The following ERAP1 variants were observed in gnomAD, a reference collection of about 807,000 sequenced individuals.
ERAP1 encodes the protein endoplasmic reticulum aminopeptidase 1.
In ERAP1, 86 loss-of-function variants were observed where a neutral mutation model predicts 103.7. The observed-to-expected ratio is 0.83, with a 90% CI of 0.70 to 0.99. The LOEUF (loss-of-function observed/expected upper bound fraction) is 0.99, where lower values mean the gene tolerates loss of function less well. Among genes scored for constraint, ERAP1 ranks in the 50% least tolerant of loss-of-function variants. The probability of loss-of-function intolerance (pLI) is 0.00; values close to 1 mark genes in which losing one functional copy is unlikely to be tolerated. For synonymous variants in ERAP1, 398 were observed against 402.4 expected (o/e 0.99, Z 0.13); for missense variants, 1,009 against 1,128.4 (o/e 0.89, Z 1.52).
chr5:96,786,296 C>G (rs1189114610), intron 12 of ERAP1, among the ~76,000 whole-genome samples, 174 bp downstream of exon 12: 2 of 152,164 alleles, frequency 1.3e-5, no homozygotes, highest in Admixed American at 1.3e-4. Flanking sequence ...TTATATAATT[C>G]AGCTATAATC....
chr5:96,877,379 TATCA>T, the ERAP1 span, among the ~76,000 whole-genome samples: 1 of 152,210 alleles, frequency 6.6e-6, no homozygotes, highest in Non-Finnish European at 1.5e-5. Context: ...TCTCTACTCT[TATCA>T]ATCAAGTACA....
chr5:96,815,327 T>C, the ERAP1 span, among the ~76,000 whole-genome samples: 3 of 152,108 alleles, frequency 2.0e-5, no homozygotes, highest in African/African-American at 7.2e-5. Flanking sequence ...TTTATGTCAC[T>C]AATTTGATCT....
intron 11 of ERAP1, among the ~76,000 whole-genome samples, 163 bp downstream of exon 11, chr5:96,788,368 G>A (rs1359181097): frequency 6.6e-6 from 1 of 152,134 alleles, no homozygotes; most frequent in Non-Finnish European, 1.5e-5. Context: ...TAATCCTACT[G>A]GGAAGATGGG....
chr5:96,864,844 A>G, the ERAP1 span, among the ~76,000 whole-genome samples: 1 of 152,258 alleles, frequency 6.6e-6, no homozygotes, highest in Non-Finnish European at 1.5e-5. Context: ...ATATATGTGT[A>G]AGTTAAAACT....
At chr5:96,897,336 T>G in the ERAP1 span, among the ~76,000 whole-genome samples, 2 of 152,210 alleles carry the variant, frequency 1.3e-5, no homozygotes, top group Non-Finnish European at 2.9e-5. Flanking sequence ...CCCTTTCTTC[T>G]TTCCAACAAT....
the ERAP1 span, chr5:96,903,434 G>T: frequency 4.3e-6 from 7 of 1,613,920 alleles, no homozygotes; most frequent in South Asian, 7.7e-5. Flanking sequence ...GACTCAAATG[G>T]TTACTACATC....
the ERAP1 span, among the ~76,000 whole-genome samples, chr5:96,898,533 G>T: frequency 1.4e-5 from 2 of 144,124 alleles, no homozygotes; most frequent in Non-Finnish European, 3.0e-5. Flanking sequence ...CCTGAGGTCA[G>T]TCTGGCCAAC....
the ERAP1 span, among the ~76,000 whole-genome samples, chr5:96,854,966 T>C: frequency 6.6e-6 from 1 of 151,920 alleles, no homozygotes; most frequent in Non-Finnish European, 1.5e-5. Flanking sequence ...ATAGAAAATC[T>C]AGCAGTTTTT....
intron 10 of ERAP1, among the ~76,000 whole-genome samples, chr5:96,789,449 T>C (rs1413272942): frequency 1.3e-5 from 2 of 151,584 alleles, no homozygotes; most frequent in Non-Finnish European, 2.9e-5. Context: ...ATCACGCCAC[T>C]GCACTCCAGC....
At chr5:96,767,720 G>GAA (rs1770509334) in intron 19 of ERAP1, among the ~76,000 whole-genome samples, 1 of 151,796 alleles carries the variant, frequency 6.6e-6, no homozygotes, top group South Asian at 2.1e-4. Flanking sequence ...AAGAGTAGAT[G>GAA]GAAAAAAAGC....
At chr5:96,824,250 G>A in the ERAP1 span, among the ~76,000 whole-genome samples, 1 of 152,154 alleles carries the variant, frequency 6.6e-6, no homozygotes, top group Non-Finnish European at 1.5e-5. Flanking sequence ...TCATCCCCTT[G>A]AGAAAACAAA....
chr5:96,763,024 A>C (rs1490358386), exon 20 of ERAP1: 1 of 702,684 alleles, frequency 1.4e-6, no homozygotes, highest in Non-Finnish European at 2.6e-6. Flanking sequence ...AGACCACAGC[A>C]CATCAAATTA....
the ERAP1 span, among the ~76,000 whole-genome samples, chr5:96,875,234 A>G: frequency 6.6e-6 from 1 of 152,092 alleles, no homozygotes; most frequent in Non-Finnish European, 1.5e-5. Context: ...ATAGAAAGAG[A>G]TTGAAAATGA....
the ERAP1 span, among the ~76,000 whole-genome samples, chr5:96,894,293 C>T: frequency 2.0e-4 from 30 of 152,174 alleles, no homozygotes; most frequent in African/African-American, 5.8e-4. Flanking sequence ...GAGGAAACAC[C>T]TCTCCCTTTC....
the ERAP1 span, among the ~76,000 whole-genome samples, chr5:96,926,513 T>C: frequency 6.6e-6 from 1 of 152,228 alleles, no homozygotes; most frequent in Non-Finnish European, 1.5e-5. Context: ...TTTCTGTTTC[T>C]ATAGATTTGC....
At position 96,788,654 on chromosome 5, in the gene ERAP1, G is replaced by A; in HGVS notation, c.1556C>T (p.Thr519Ile). Residue 519 changes from threonine to isoleucine, a missense_variant, in exon 11 of 19, where the codon ACC (threonine) becomes ATC (isoleucine). By Grantham distance (89) the Thr-to-Ile change is moderately conservative (BLOSUM62 -1). Around this residue, in one of 3 missense-constraint regions of ERAP1, gnomAD observed 611 missense variants for 651.7 expected, o/e 0.94. Coordinates refer to ENST00000443439, the MANE Select transcript of ERAP1 (RefSeq NM_001040458.3). ...CTGCAGTGTCCAAGTGTTCATCATG[G>A]TTTTCACATCCACCCCTTCCTGATG... ...HWHQEGVDVK[T>I]MMNTWTLQKG... The A allele has an allele frequency of 1.2e-6, 2 of 1,614,132 alleles. No individual in the cohort carries two copies. Among genetic ancestry groups the A allele is most frequent in the South Asian group, 2.2e-5 (2 of 91,080 alleles).
the ERAP1 span, among the ~76,000 whole-genome samples, chr5:96,834,022 C>G: frequency 5.9e-5 from 9 of 152,116 alleles, no homozygotes; most frequent in African/African-American, 1.9e-4. Flanking sequence ...AATTGGGTAG[C>G]CACAACTAGT....
chr5:96,811,108 A>T (rs1002792940), upstream of ERAP1, among the ~76,000 whole-genome samples: 10 of 147,856 alleles, frequency 6.8e-5, no homozygotes, highest in East Asian at 1.9e-4. Context: ...ATGCCAATTT[A>T]AAAAAAAATA....
chr5:96,873,406 G>A, the ERAP1 span: 2 of 455,922 alleles, frequency 4.4e-6, no homozygotes, highest in African/African-American at 4.0e-5. Context: ...ACACAAACTT[G>A]TTAGCCTCAG....
Sources: gnomAD v4.1 joint callset for allele counts (sites outside exome capture counted in the v4.1 genomes callset) on GRCh38, gnomAD v4.1.1 for gene constraint, gnomAD v4.1.1 regional missense constraint, MANE v1.5 for transcripts, NCBI Gene and HGNC (gene_info 2026-07-23, HGNC 2026-07-21) for gene names.